NRXN3: variants seen among roughly 807,000 people sequenced by gnomAD.
NRXN3 encodes neurexin III.
NRXN3 carries 32 observed loss-of-function variants against 137.6 expected under a neutral mutation model. The ratio of observed to expected loss-of-function variants is 0.23; its 90% CI spans 0.18 to 0.31. NRXN3 has a LOEUF of 0.31. Ranked by LOEUF, NRXN3 falls within the 10% of genes least tolerant of loss-of-function variation. The pLI, the probability that NRXN3 is intolerant of heterozygous loss-of-function variation, is 1.00. For synonymous variants in NRXN3, 798 were observed against 784.5 expected (o/e 1.02, Z -0.29); for missense variants, 1,574 against 2,062.5 (o/e 0.76, Z 4.59).
chr14:78,220,625 C>T (rs769268235), intron 1 of NRXN3, among the ~76,000 whole-genome samples: 3 of 151,940 alleles, frequency 2.0e-5, no homozygotes, highest in Admixed American at 6.6e-5. Flanking sequence ...GGAAGAGTCC[C>T]GTTTTCTTTT....
At chr14:79,006,088 A>G (rs1326958692) in intron 15 of NRXN3, among the ~76,000 whole-genome samples, 3 of 123,224 alleles carry the variant, frequency 2.4e-5, no homozygotes, top group East Asian at 2.1e-4. Flanking sequence ...TGATATGCCC[A>G]AAGATATGCC....
At chr14:78,762,157 A>C (rs1413020683) in intron 8 of NRXN3, among the ~76,000 whole-genome samples, 1 of 152,142 alleles carries the variant, frequency 6.6e-6, no homozygotes, top group Non-Finnish European at 1.5e-5. Flanking sequence ...TGTCTCCTAC[A>C]AATGTGTCAT....
chr14:79,004,594 C>T (rs565869793), intron 15 of NRXN3, among the ~76,000 whole-genome samples: 6 of 152,190 alleles, frequency 3.9e-5, no homozygotes, highest in South Asian at 2.1e-4. Context: ...AATAAGTAGC[C>T]GACCAGGAAT....
At chr14:79,493,976 A>G (rs971095434) in intron 16 of NRXN3, among the ~76,000 whole-genome samples, 2 of 152,184 alleles carry the variant, frequency 1.3e-5, no homozygotes, top group Non-Finnish European at 2.9e-5. Flanking sequence ...TTCCTTGAAT[A>G]TAGGGTCCTA....
At chr14:79,790,615 C>CTT (rs34493154) in intron 19 of NRXN3, among the ~76,000 whole-genome samples, 3,122 of 72,864 alleles carry the variant, frequency 0.043, 17 homozygotes, top group East Asian at 0.058. Context: ...GGCCCAGGCT[C>CTT]TTTTTTTTTT....
At chr14:79,849,596 C>T (rs150324100) in intron 20 of NRXN3, among the ~76,000 whole-genome samples, 161 of 152,128 alleles carry the variant, frequency 1.1e-3, no homozygotes, top group Admixed American at 3.7e-3. Flanking sequence ...ATCAAAAAGA[C>T]AAGGGACAAC....
rs1029867235 is a variant in NRXN3 at position 79,868,011 on chromosome 14, C to T, written c.*6047C>T. 1.3e-5 allele frequency: 2 copies of T among 151,836 alleles called. No homozygotes were observed. The highest frequency in any genetic ancestry group is 4.8e-5 in the African/African-American group (2 of 41,396). The allele number at this position is 151,836 out of a possible 1,614,324, so 9.4% of individuals were successfully genotyped here. A position where few individuals can be genotyped will look rare whatever the true frequency, so the allele number is the denominator to read the frequency against. ...GTTCTAGAGTCAAAATGCCATGGCT[C>T]ATCTGGTACTGTAACTTAAGATAAA... On this transcript the variant is annotated 3_prime_UTR_variant, in exon 21 of 21. Transcript: ENST00000335750.
intron 19 of NRXN3, among the ~76,000 whole-genome samples, chr14:79,707,899 CTG>C (rs1489284418): frequency 6.6e-5 from 10 of 152,240 alleles, no homozygotes; most frequent in African/African-American, 2.2e-4. Flanking sequence ...CAGCGATGCT[CTG>C]TAATTATTGC....
chr14:78,961,685 A>C (rs1328736761), intron 11 of NRXN3, among the ~76,000 whole-genome samples: 1 of 152,218 alleles, frequency 6.6e-6, no homozygotes, highest in African/African-American at 2.4e-5. Flanking sequence ...AGAAAAATTC[A>C]GTAACTCCCC....
chr14:79,162,411 C>T (rs948949237), intron 15 of NRXN3, among the ~76,000 whole-genome samples: 16 of 150,892 alleles, frequency 1.1e-4, no homozygotes, highest in South Asian at 2.1e-4. Context: ...TTTGTTCTTG[C>T]GATAGTTTAC....
intron 4 of NRXN3, among the ~76,000 whole-genome samples, chr14:78,520,371 A>G (rs1017453803): frequency 1.3e-5 from 2 of 152,152 alleles, no homozygotes; most frequent in Non-Finnish European, 2.9e-5. Context: ...ATCTGGATGC[A>G]ATTTATTAGT....
In NRXN3 at chr14:79,854,164, T is replaced by C. The variant is rs555583357; in HGVS notation, c.4094-7178T>C. 13 of 983,372 alleles carry C rather than the reference T, an allele frequency of 1.3e-5. No homozygotes were observed. The South Asian group carries it at 5.2e-4, about 39-fold the overall frequency. 60.9% of individuals were successfully genotyped at this position (983,372 alleles called of 1,614,324 possible). A position where few individuals can be genotyped will look rare whatever the true frequency, so the allele number is the denominator to read the frequency against. On this transcript the variant is annotated intron_variant, in intron 20 of 20. Transcript: ENST00000335750. ...TTGTCCAAGAGCATTCTTACACAAC[T>C]TTCTTTTGTAAATTTTTCTTTCATG... is the stretch of plus-strand genomic sequence containing the variant.
intron 4 of NRXN3, among the ~76,000 whole-genome samples, chr14:78,338,798 T>G (rs1194580524): frequency 3.3e-5 from 5 of 152,176 alleles, no homozygotes; most frequent in African/African-American, 1.2e-4. Context: ...TTTGGTACTT[T>G]TAGGTGAAAA....
intron 2 of NRXN3, among the ~76,000 whole-genome samples, chr14:78,272,893 A>T (rs2073016680): frequency 6.6e-6 from 1 of 152,032 alleles, no homozygotes; most frequent in African/African-American, 2.4e-5. Context: ...GAGGATGCCA[A>T]CTCCCTTAAA....
chr14:78,266,442 G>T (rs549652068), intron 2 of NRXN3, among the ~76,000 whole-genome samples: 2 of 152,152 alleles, frequency 1.3e-5, no homozygotes, highest in East Asian at 3.9e-4. Context: ...GAGATTACAG[G>T]CACATACCAC....
chr14:79,026,914 G>GA (rs2099598851), intron 15 of NRXN3, among the ~76,000 whole-genome samples: 6 of 97,336 alleles, frequency 6.2e-5, no homozygotes, highest in South Asian at 4.5e-4. Flanking sequence ...CGTGATCCCA[G>GA]AAAAAAAAGT....
At chr14:79,641,992 C>T (rs1001198326) in intron 16 of NRXN3, among the ~76,000 whole-genome samples, 2 of 135,758 alleles carry the variant, frequency 1.5e-5, no homozygotes, top group African/African-American at 4.9e-5. Flanking sequence ...TCACATTTCT[C>T]CCTCCAAGTC....
At chr14:78,612,732 T>C (rs953910574) in intron 4 of NRXN3, among the ~76,000 whole-genome samples, 1 of 152,236 alleles carries the variant, frequency 6.6e-6, no homozygotes, top group African/African-American at 2.4e-5. Flanking sequence ...GTTTCTTTTC[T>C]GTCTGTAATG....
intron 16 of NRXN3, among the ~76,000 whole-genome samples, chr14:79,513,175 T>G (rs2096949141): frequency 1.3e-5 from 2 of 152,232 alleles, no homozygotes; most frequent in South Asian, 4.1e-4. Context: ...TTTTCTCAGG[T>G]GTTCAAACAT....
Sources: gnomAD v4.1 joint callset for allele counts (sites outside exome capture counted in the v4.1 genomes callset) on GRCh38, gnomAD v4.1.1 for gene constraint, MANE v1.5 for transcripts, NCBI Gene and HGNC (gene_info 2026-07-23, HGNC 2026-07-21) for gene names.